The following OR2V1 variants were observed in gnomAD, a reference collection of about 807,000 sequenced individuals.
OR2V1 encodes olfactory receptor family 2 subfamily V member 1, also known as olfactory receptor 2V1.
OR2V1 carries 18 observed loss-of-function variants against 15.0 expected under a neutral mutation model. That is an observed-to-expected ratio of 1.20 (90% confidence interval 0.83 to 1.78). The LOEUF (loss-of-function observed/expected upper bound fraction) is 1.78. Among genes scored for constraint, OR2V1 ranks in the 40% most tolerant of loss-of-function variants. The pLI is 0.00. For synonymous variants in OR2V1, 144 were observed against 146.1 expected (o/e 0.99, Z 0.10); for missense variants, 359 against 392.9 (o/e 0.91, Z 0.73).
At chr5:181,127,686 T>G (rs1762893710) in intron 3 of OR2V1, among the ~76,000 whole-genome samples, 1 of 152,042 alleles carries the variant, frequency 6.6e-6, no homozygotes, top group Non-Finnish European at 1.5e-5. Context: ...CCGGGGTCCT[T>G]GCCACTGATG....
Position 181,125,084 on chromosome 5 carries a change from A to G in OR2V1, c.221T>C (p.Leu74Ser). 6.2e-7 allele frequency: 1 copy of G among 1,614,258 alleles called. No homozygotes were observed. Among genetic ancestry groups the G allele is most frequent in the Non-Finnish European group, 8.5e-7 (1 of 1,180,052 alleles). The stretch of plus-strand genomic sequence containing the variant: ...CATCTTTGGCACAATGTTACAGACC[A>G]ACATGAGGTCCATGAGGGAGAGCTG... Reference protein sequence around the residue: ...LSQLSLMDLMLVCNIVPKMAA... With the variant: ...LSQLSLMDLMSVCNIVPKMAA... Residue 74 changes from leucine (L) to serine (S), a missense_variant, in exon 4 of 4, where the codon TTG becomes TCG. Leu to Ser is a moderately radical substitution (Grantham distance 145, BLOSUM62 -2). Transcript: ENST00000641551.
At chr5:181,129,191 C>G (rs913894767) in intron 3 of OR2V1, among the ~76,000 whole-genome samples, 1 of 152,098 alleles carries the variant, frequency 6.6e-6, no homozygotes, top group African/African-American at 2.4e-5. Flanking sequence ...ATGTTCACGC[C>G]ACTGCACTCC....
chr5:181,130,150 G>A (rs1423283321), intron 2 of OR2V1, 23 bp downstream of exon 2: 14 of 398,676 alleles, frequency 3.5e-5, no homozygotes, highest in Admixed American at 1.3e-4. Flanking sequence ...GAGAGGGGAC[G>A]ACAGGACAAG....
At chr5:181,127,615 C>A (rs1762892815) in intron 3 of OR2V1, among the ~76,000 whole-genome samples, 1 of 152,164 alleles carries the variant, frequency 6.6e-6, no homozygotes, top group Non-Finnish European at 1.5e-5. Context: ...CTGGAGATGG[C>A]TGCTTGATCT....
chr5:181,130,258 C>T (rs1762944320), intron 1 of OR2V1, 43 bp from the exon 2 acceptor site: 1 of 398,960 alleles, frequency 2.5e-6, no homozygotes, highest in Non-Finnish European at 4.4e-6. Context: ...ACTCATCCTC[C>T]TGTGTTTGCT....
At chr5:181,125,746 G>A (rs543840081) in intron 3 of OR2V1, among the ~76,000 whole-genome samples, 3 of 152,350 alleles carry the variant, frequency 2.0e-5, no homozygotes, top group South Asian at 4.1e-4. Context: ...AGCACTCTGG[G>A]ATGCTGAGGC....
intron 3 of OR2V1, among the ~76,000 whole-genome samples, chr5:181,126,731 GACATACACAC>G (rs1561623595): frequency 6.8e-6 from 1 of 146,474 alleles, no homozygotes; most frequent in Non-Finnish European, 1.5e-5. Context: ...GAAACACAGA[GACATACACAC>G]ACACACACAG....
intron 3 of OR2V1, among the ~76,000 whole-genome samples, chr5:181,127,737 C>A (rs1254902089): frequency 6.6e-6 from 1 of 151,982 alleles, no homozygotes. Context: ...CAGGAGAGAT[C>A]TATTCCCACA....
intron 2 of OR2V1, 80 bp downstream of exon 2, chr5:181,130,093 T>C (rs1042276254): frequency 3.0e-4 from 120 of 398,126 alleles, no homozygotes; most frequent in Middle Eastern, 6.3e-4. Flanking sequence ...ATGAACAAGA[T>C]AAATGGGGAC....
In OR2V1 at chr5:181,124,952, A is replaced by T; in HGVS notation, c.353T>A (p.Leu118His). The T allele has an allele frequency of 6.2e-7, 1 of 1,614,144 alleles. No individual in the cohort carries two copies. The highest frequency in any genetic ancestry group is 1.1e-5 in the South Asian group (1 of 91,078). Residue 118 changes from leucine (L) to histidine (H), a missense_variant, in exon 4 of 4, where the codon CTC (leucine) becomes CAC (histidine). Transcript: ENST00000641551. The part of the protein sequence containing the change: ...LVGSEGLLLG[L>H]MAYDRYVAVS... Reference sequence around the variant, plus strand: ...GGCCACGTAGCGGTCATAAGCCATGAGTCCCAGCAAGAGCCCCTCAGATCC... The same window carrying T: ...GGCCACGTAGCGGTCATAAGCCATGTGTCCCAGCAAGAGCCCCTCAGATCC...
Position 181,124,514 on chromosome 5 carries a change from C to T in OR2V1, c.791G>A (p.Arg264Lys). The T allele has an allele frequency of 6.2e-7, 1 of 1,613,844 alleles. No individual in the cohort carries two copies. Among genetic ancestry groups the T allele is most frequent in the South Asian group, 1.1e-5 (1 of 91,040 alleles). The change falls in exon 4 of 4, where the codon AGG (arginine) becomes AAG (lysine). Residue 264 changes from arginine (R) to lysine (K), a missense_variant. Coordinates refer to ENST00000641551, the MANE Select transcript of OR2V1 (RefSeq NM_001258283.2). ...GAAMFMYLRP[R>K]RYRAPSHDKV... ...GTCATGGCTAGGGGCCCGGTAGCGC[C>T]TAGGCCTCAGGTACATGAACATGGC...
intron 3 of OR2V1, among the ~76,000 whole-genome samples, 180 bp downstream of exon 3, chr5:181,129,340 A>G (rs1762929901): frequency 6.6e-6 from 1 of 152,172 alleles, no homozygotes; most frequent in African/African-American, 2.4e-5. Flanking sequence ...TTGAGGCTGC[A>G]GTGAGCTACG....
chr5:181,128,375 T>G (rs529895806), intron 3 of OR2V1, among the ~76,000 whole-genome samples: 4 of 152,288 alleles, frequency 2.6e-5, no homozygotes, highest in African/African-American at 9.6e-5. Context: ...CAGTCTACGC[T>G]GGCACACCCC....
chr5:181,125,549 G>A (rs1433104022), intron 3 of OR2V1, among the ~76,000 whole-genome samples: 1 of 152,228 alleles, frequency 6.6e-6, no homozygotes, highest in East Asian at 1.9e-4. Context: ...ACCCAGGACT[G>A]TTGGACAATT....
intron 3 of OR2V1, among the ~76,000 whole-genome samples, chr5:181,127,644 G>A (rs1473424819): frequency 1.3e-5 from 2 of 152,148 alleles, no homozygotes; most frequent in Non-Finnish European, 2.9e-5. Flanking sequence ...AGGTCAGGGA[G>A]CTTGTCCTGG....
chr5:181,130,229 C>A lies in OR2V1; in HGVS notation c.-120-14G>T, dbSNP rs1426387060. The A allele has an allele frequency of 7.5e-6, 3 of 398,774 alleles. No individual in the cohort carries two copies. The highest frequency in any genetic ancestry group is 8.8e-5 in the Admixed American group (2 of 22,732). 24.7% of individuals were successfully genotyped at this position (398,774 alleles called of 1,614,324 possible). A position where few individuals can be genotyped will look rare whatever the true frequency, so the allele number is the denominator to read the frequency against. On this transcript the variant is annotated splice_polypyrimidine_tract_variant and intron_variant, in intron 1 of 3. Coordinates refer to ENST00000641551, the MANE Select transcript of OR2V1 (RefSeq NM_001258283.2). Reference sequence around the variant, plus strand: ...CAGCAGAGTCACCTGTGGAGGAGTTCCTAGCGTCAGAGCCATGCACTCATC... The same window carrying A: ...CAGCAGAGTCACCTGTGGAGGAGTTACTAGCGTCAGAGCCATGCACTCATC...
At chr5:181,126,421 CA>C (rs1363595685) in intron 3 of OR2V1, among the ~76,000 whole-genome samples, 1 of 2,438 alleles carries the variant, frequency 4.1e-4, no homozygotes, top group Non-Finnish European at 6.1e-3. Context: ...CATCACACAC[CA>C]CACACACACA....
At position 181,123,268 on chromosome 5, in the gene OR2V1, T is replaced by C. The variant is rs1352103672; in HGVS notation, c.*1089A>G. 6.6e-6 allele frequency: 1 copy of C among 152,174 alleles called. No homozygotes were observed. The highest frequency in any genetic ancestry group is 1.5e-5 in the Non-Finnish European group (1 of 68,048). The allele number at this position is 152,174 out of a possible 1,614,324, so 9.4% of individuals were successfully genotyped here. The stretch of plus-strand genomic sequence containing the variant: ...CCCCAACCTTTGAGACAGATATCAG[T>C]TAATTTAGAAAGTTTATTTTGTCAA... On this transcript the variant is annotated 3_prime_UTR_variant, in exon 4 of 4. Coordinates refer to ENST00000641551, the MANE Select transcript of OR2V1 (RefSeq NM_001258283.2).
At position 181,127,337 on chromosome 5, in the gene OR2V1, G is replaced by A. The variant is rs1369532133; in HGVS notation, c.-21-2012C>T. ...GCTCCTGCTTCATTGGCCTTGGTCT[G>A]AGTGTCACAGGAGTTTGCTGTGTGA... On this transcript the variant is annotated intron_variant, in intron 3 of 3. Coordinates refer to ENST00000641551, the MANE Select transcript of OR2V1 (RefSeq NM_001258283.2). Among the ~76,000 whole-genome samples the A allele has an allele frequency of 3.9e-5, 6 of 152,242 alleles. No individual in the cohort carries two copies. In the East Asian group the frequency reaches 1.2e-3, roughly 29 times the overall value.
Sources: gnomAD v4.1 joint callset for allele counts (sites outside exome capture counted in the v4.1 genomes callset) on GRCh38, gnomAD v4.1.1 for gene constraint, MANE v1.5 for transcripts, NCBI Gene and HGNC (gene_info 2026-07-23, HGNC 2026-07-21) for gene names.